The following LRP6 variants were observed in gnomAD, a reference collection of about 807,000 sequenced individuals.
LRP6 encodes the protein LDL receptor related protein 6, also known as low-density lipoprotein receptor-related protein 6.
Under a neutral mutation model 184.1 loss-of-function variants are expected in LRP6, and 43 were observed. That is an observed-to-expected ratio of 0.23 (90% CI 0.18 to 0.30). The LOEUF (loss-of-function observed/expected upper bound fraction) is 0.30. LRP6 is among the 10% of genes least tolerant of loss of function. The probability of loss-of-function intolerance (pLI) is 1.00; values close to 1 mark genes in which losing one functional copy is unlikely to be tolerated. For missense variants in LRP6, 1,571 were observed against 2,005.3 expected, an observed-to-expected ratio of 0.78 and a Z score of 4.14; for synonymous variants, 719 against 684.9, an observed-to-expected ratio of 1.05 and a Z score of -0.78.
At chr12:12,234,764 G>A (rs1213965340) in intron 2 of LRP6, among the ~76,000 whole-genome samples, 1 of 151,870 alleles carries the variant, frequency 6.6e-6, no homozygotes, top group African/African-American at 2.4e-5. Flanking sequence ...CCAGGATGCA[G>A]AGGTTGCAAT....
chr12:12,117,518 C>A lies in LRP6; in HGVS notation c.*3608G>T, dbSNP rs1312406710. ...TGGCATGCAAATGAATGAAGTGGGA[C>A]AAAGCTTCCCCTACAAGAAATAAAA... On this transcript the variant is annotated 3_prime_UTR_variant, in exon 23 of 23. Transcript: ENST00000261349. The A allele has an allele frequency of 3.3e-5, 5 of 152,312 alleles. No individual in the cohort carries two copies. Among genetic ancestry groups the A allele is most frequent in the Non-Finnish European group, 1.5e-5 (1 of 68,012 alleles). The allele number at this position is 152,312 out of a possible 1,614,324, so 9.4% of individuals were successfully genotyped here.
chr12:12,159,245 AG>A, intron 11 of LRP6, 90 bp from the exon 12 acceptor site: 1 of 939,288 alleles, frequency 1.1e-6, no homozygotes, highest in African/African-American at 1.7e-5. Flanking sequence ...GAAAAAAAAA[AG>A]CCCTAACATA....
At chr12:12,249,287 TG>T in intron 1 of LRP6, 1 of 1,106,240 alleles carries the variant, frequency 9.0e-7, no homozygotes. Context: ...AATGGATTGG[TG>T]GACCCAAGAG....
rs1367222312 is a variant in LRP6 at position 12,118,850 on chromosome 12, C to T, written c.*2276G>A. ...TGCCATCGCAGTGCAAGCACGTGGA[C>T]TGAGATCCAACAAGGCAATATTCTT... On this transcript the variant is annotated 3_prime_UTR_variant, in exon 23 of 23. Transcript: ENST00000261349. 1 of 152,208 alleles carries T rather than the reference C, an allele frequency of 6.6e-6. No homozygotes were observed. Among genetic ancestry groups the T allele is most frequent in the African/African-American group, 2.4e-5 (1 of 41,450 alleles). 9.4% of individuals were successfully genotyped at this position (152,208 alleles called of 1,614,324 possible).
chr12:12,254,543 C>T (rs1233469719), intron 1 of LRP6, among the ~76,000 whole-genome samples: 9 of 152,308 alleles, frequency 5.9e-5, no homozygotes, highest in African/African-American at 2.2e-4. Flanking sequence ...CGTCTTACTC[C>T]TCCAGAATTC....
intron 2 of LRP6, among the ~76,000 whole-genome samples, chr12:12,225,151 T>G (rs888588682): frequency 6.6e-6 from 1 of 152,010 alleles, no homozygotes; most frequent in Non-Finnish European, 1.5e-5. Flanking sequence ...GATGGGAGGA[T>G]GCAGTGAGCC....
Position 12,135,243 on chromosome 12 carries a change from C to T in LRP6, c.3665G>A (p.Gly1222Glu). ...GGCSHICLVKGDGTTRCSCPM... is the reference protein window; with the variant it reads ...GGCSHICLVKEDGTTRCSCPM... Reference sequence around the variant, plus strand: ...GCAAGAACACCTTGTAGTACCATCCCCCTTTACAAGACAAATATGTGAACA... The same window carrying T: ...GCAAGAACACCTTGTAGTACCATCCTCCTTTACAAGACAAATATGTGAACA... Residue 1222 changes from glycine (G) to glutamate (E), a missense_variant, in exon 17 of 23, where the codon GGG becomes GAG. By Grantham distance (98) the Gly-to-Glu change is moderately conservative (BLOSUM62 -2). Around this residue, in one of 4 missense-constraint regions of LRP6, gnomAD observed 763 missense variants for 859.5 expected, o/e 0.89. Transcript: ENST00000261349. 6.2e-7 allele frequency: 1 copy of T among 1,613,862 alleles called. No individual in the cohort carries two copies. The highest frequency in any genetic ancestry group is 8.5e-7 in the Non-Finnish European group (1 of 1,179,934).
At chr12:12,217,483 A>G (rs1864379574) in intron 2 of LRP6, among the ~76,000 whole-genome samples, 1 of 152,182 alleles carries the variant, frequency 6.6e-6, no homozygotes, top group Non-Finnish European at 1.5e-5. Context: ...AATGTGCTTA[A>G]GTCATACTGA....
At chr12:12,142,455 G>A (rs1949947231) in intron 15 of LRP6, among the ~76,000 whole-genome samples, 1 of 152,048 alleles carries the variant, frequency 6.6e-6, no homozygotes, top group Non-Finnish European at 1.5e-5. Flanking sequence ...GCATGCACTG[G>A]ATGCAATTCG....
At chr12:12,137,115 C>A (rs1292771545) in intron 16 of LRP6, among the ~76,000 whole-genome samples, 2 of 152,232 alleles carry the variant, frequency 1.3e-5, no homozygotes, top group African/African-American at 4.8e-5. Context: ...ACATAATGAA[C>A]ACTTGTACAG....
chr12:12,164,919 T>TTAAAA (rs1280117813), intron 8 of LRP6, among the ~76,000 whole-genome samples, 160 bp downstream of exon 8: 3 of 57,076 alleles, frequency 5.3e-5, no homozygotes, highest in Non-Finnish European at 7.2e-5. Context: ...CCCTTCTCAG[T>TTAAAA]AAAAAAAAAA....
chr12:12,207,379 C>T (rs1355373410), intron 2 of LRP6, among the ~76,000 whole-genome samples: 2 of 151,882 alleles, frequency 1.3e-5, no homozygotes, highest in African/African-American at 4.8e-5. Context: ...ATTAGCTGGG[C>T]ATGATGGTGT....
At chr12:12,248,186 C>CT (rs1457428665) in intron 1 of LRP6, among the ~76,000 whole-genome samples, 1 of 152,190 alleles carries the variant, frequency 6.6e-6, no homozygotes, top group Non-Finnish European at 1.5e-5. Flanking sequence ...TCCTTACCTC[C>CT]TCTCTACAAC....
At chr12:12,155,470 T>C in intron 12 of LRP6, 1 of 938,316 alleles carries the variant, frequency 1.1e-6, no homozygotes, top group Non-Finnish European at 1.7e-6. Context: ...TTACCCAGCA[T>C]GCTGTTGGCA....
At chr12:12,233,707 T>C (rs1200155823) in intron 2 of LRP6, among the ~76,000 whole-genome samples, 1 of 152,204 alleles carries the variant, frequency 6.6e-6, no homozygotes, top group African/African-American at 2.4e-5. Flanking sequence ...ATGAACAGAC[T>C]AATTTATAAC....
At chr12:12,210,436 G>A (rs1342962245) in intron 2 of LRP6, among the ~76,000 whole-genome samples, 1 of 152,092 alleles carries the variant, frequency 6.6e-6, no homozygotes, top group African/African-American at 2.4e-5. Context: ...TTTTCCTTCT[G>A]TATCCAGACC....
At chr12:12,181,869 T>A (rs1281850396) in intron 5 of LRP6, among the ~76,000 whole-genome samples, 1 of 152,198 alleles carries the variant, frequency 6.6e-6, no homozygotes, top group Non-Finnish European at 1.5e-5. Context: ...TGTTCTAAAA[T>A]TGGATTGTGG....
intron 2 of LRP6, among the ~76,000 whole-genome samples, chr12:12,227,409 CTT>C (rs776157812): frequency 5.5e-4 from 77 of 139,588 alleles, no homozygotes; most frequent in Admixed American, 8.6e-4. Flanking sequence ...CTTTCTTTTC[CTT>C]TTTTTTTTTT....
intron 20 of LRP6, 72 bp from the exon 21 acceptor site, chr12:12,125,504 C>T: frequency 7.5e-7 from 1 of 1,332,044 alleles, no homozygotes; most frequent in Non-Finnish European, 1.1e-6. Context: ...TTTCATTCAA[C>T]AGTAGGATTA....
Sources: allele counts gnomAD v4.1 joint callset (sites outside exome capture counted in the v4.1 genomes callset), GRCh38; gene constraint gnomAD v4.1.1; regional missense constraint gnomAD v4.1.1; transcripts MANE v1.5; gene names NCBI Gene and HGNC (gene_info 2026-07-23, HGNC 2026-07-21).